ROBO2: variants seen among roughly 807,000 people sequenced by gnomAD.
ROBO2 encodes the protein roundabout guidance receptor 2, also known as roundabout homolog 2.
In ROBO2, 53 loss-of-function variants were observed where a neutral mutation model predicts 160.8. The observed-to-expected ratio is 0.33, with a 90% confidence interval of 0.26 to 0.41. The LOEUF (loss-of-function observed/expected upper bound fraction) is 0.41. Ranked by LOEUF, ROBO2 falls within the 10% of genes least tolerant of loss-of-function variation. The pLI, the probability that ROBO2 is intolerant of heterozygous loss-of-function variation, is 1.00. For synonymous variants in ROBO2, 664 were observed against 611.7 expected, an observed-to-expected ratio of 1.09 and a Z score of -1.26; for missense variants, 1,577 against 1,722.4, an observed-to-expected ratio of 0.92 and a Z score of 1.49.
chr3:75,936,607 GGT>G (rs1217638028), intron 1 of ROBO2, among the ~76,000 whole-genome samples: 1 of 151,926 alleles, frequency 6.6e-6, no homozygotes, highest in Non-Finnish European at 1.5e-5. Context: ...ACATATGAAA[GGT>G]ATAGTTTTGA....
chr3:77,243,451 A>G (rs1477182514), intron 2 of ROBO2, among the ~76,000 whole-genome samples: 1 of 152,176 alleles, frequency 6.6e-6, no homozygotes, highest in Non-Finnish European at 1.5e-5. Flanking sequence ...AGTCCTTACC[A>G]GGAGATTTCT....
rs557759044 is a variant in ROBO2, at chr3:76,822,709, GTGGTAGATTA to G, written c.110-275302_110-275293del. 7.1e-4 allele frequency among the ~76,000 whole-genome samples: 107 copies of G among 151,544 alleles called. 1 individual carries two copies. The highest frequency in any genetic ancestry group is 9.9e-4 in the Non-Finnish European group (67 of 67,824). On this transcript the variant is annotated intron_variant, in intron 2 of 26. Coordinates refer to the ROBO2 transcript ENST00000487694. ...CCATGTGTTATGCCAGGTATAAAGT[GTGGTAGATTA>G]TGAATTAAAAAAAAAAGAAATGTGG...
chr3:75,992,611 G>A (rs1279995004), intron 2 of ROBO2, among the ~76,000 whole-genome samples: 8 of 152,192 alleles, frequency 5.3e-5, no homozygotes, highest in Admixed American at 5.2e-4. Context: ...CCCACAGAGA[G>A]TCCCTACTGG....
chr3:76,639,758 G>A (rs1053035721), intron 2 of ROBO2, among the ~76,000 whole-genome samples: 1 of 152,042 alleles, frequency 6.6e-6, no homozygotes, highest in African/African-American at 2.4e-5. Flanking sequence ...AAACCATAGG[G>A]CTAAAAGGTA....
intron 2 of ROBO2, among the ~76,000 whole-genome samples, chr3:76,058,498 T>G (rs572660053): frequency 2.0e-4 from 30 of 151,656 alleles, no homozygotes; most frequent in African/African-American, 7.2e-4. Context: ...GTTATAAAAC[T>G]CATTGCGACC....
At chr3:75,977,237 G>T (rs72890324) in intron 2 of ROBO2, among the ~76,000 whole-genome samples, 2 of 151,432 alleles carry the variant, frequency 1.3e-5, no homozygotes, top group African/African-American at 4.8e-5. Flanking sequence ...ACACTTGATA[G>T]GTTCTGATAC....
chr3:77,035,001 G>A (rs1189203233), upstream of ROBO2, among the ~76,000 whole-genome samples: 2 of 151,606 alleles, frequency 1.3e-5, no homozygotes, highest in African/African-American at 2.4e-5. Flanking sequence ...ATAAAATAAT[G>A]GGCAGGAAAA....
At chr3:76,083,439 T>C (rs905421140) in intron 2 of ROBO2, among the ~76,000 whole-genome samples, 1 of 152,158 alleles carries the variant, frequency 6.6e-6, no homozygotes, top group Non-Finnish European at 1.5e-5. Context: ...TTGACCACTG[T>C]TCATCATGAG....
At chr3:77,255,417 C>A (rs1355683574) in intron 2 of ROBO2, among the ~76,000 whole-genome samples, 6 of 152,098 alleles carry the variant, frequency 3.9e-5, no homozygotes, top group Admixed American at 2.0e-4. Flanking sequence ...ACCATGTGAC[C>A]ACAAATCTCC....
intron 2 of ROBO2, among the ~76,000 whole-genome samples, chr3:77,323,100 T>C (rs1363428999): frequency 1.7e-5 from 1 of 60,466 alleles, no homozygotes; most frequent in Non-Finnish European, 4.1e-5. Context: ...TGTATGTTAA[T>C]ACTATGTAAC....
At chr3:77,489,491 C>G (rs2085801373) in intron 4 of ROBO2, among the ~76,000 whole-genome samples, 1 of 152,100 alleles carries the variant, frequency 6.6e-6, no homozygotes. Context: ...AATCAAGTGC[C>G]TCCACGTGTC....
At chr3:76,260,893 C>T (rs1706700621) in intron 2 of ROBO2, among the ~76,000 whole-genome samples, 1 of 151,994 alleles carries the variant, frequency 6.6e-6, no homozygotes, top group Non-Finnish European at 1.5e-5. Flanking sequence ...GAATCTCATA[C>T]TATTTTTTTC....
intron 2 of ROBO2, among the ~76,000 whole-genome samples, chr3:75,979,591 G>A (rs2065223643): frequency 6.6e-6 from 1 of 151,482 alleles, no homozygotes; most frequent in East Asian, 2.0e-4. Flanking sequence ...TGTTAATGGA[G>A]ATTTAGGACA....
chr3:77,386,516 T>C (rs1430631840), intron 2 of ROBO2, among the ~76,000 whole-genome samples: 5 of 151,940 alleles, frequency 3.3e-5, no homozygotes, highest in African/African-American at 1.2e-4. Flanking sequence ...TACATTTCAG[T>C]TAATATTTGA....
At chr3:76,757,941 A>ACTT (rs879210185) in intron 2 of ROBO2, among the ~76,000 whole-genome samples, 1 of 151,760 alleles carries the variant, frequency 6.6e-6, no homozygotes, top group Admixed American at 6.6e-5. Context: ...CAATAAGGTG[A>ACTT]CTTTAAGGGA....
intron 2 of ROBO2, among the ~76,000 whole-genome samples, chr3:77,384,291 A>G (rs371152521): frequency 6.6e-6 from 1 of 152,188 alleles, no homozygotes; most frequent in South Asian, 2.1e-4. Context: ...GATTAAGCTT[A>G]GTCCTCAATG....
At chr3:77,562,551 C>T (rs2093355422) in intron 9 of ROBO2, 100 bp from the exon 11 acceptor site, 2 of 777,350 alleles carry the variant, frequency 2.6e-6, no homozygotes, top group African/African-American at 1.7e-5. Context: ...CAAAATGATA[C>T]ATCTAATTTT....
At chr3:77,299,051 A>G (rs1406685755) in intron 2 of ROBO2, among the ~76,000 whole-genome samples, 1 of 152,190 alleles carries the variant, frequency 6.6e-6, no homozygotes, top group Non-Finnish European at 1.5e-5. Context: ...ACATTGAATG[A>G]TAAGTAAGAT....
At chr3:77,422,954 C>T (rs1433320819) in intron 2 of ROBO2, among the ~76,000 whole-genome samples, 1 of 152,036 alleles carries the variant, frequency 6.6e-6, no homozygotes, top group East Asian at 1.9e-4. Context: ...TCATTGTTTA[C>T]CAATTCCCTT....
Sources: gnomAD v4.1 joint callset for allele counts (sites outside exome capture counted in the v4.1 genomes callset) on GRCh38, gnomAD v4.1.1 for gene constraint, MANE v1.5 for transcripts, NCBI Gene and HGNC (gene_info 2026-07-23, HGNC 2026-07-21) for gene names.